Variants in DLG2 observed in about 807,000 individuals in gnomAD.
DLG2 encodes discs large MAGUK scaffold protein 2.
DLG2 carries 45 observed loss-of-function variants against 132.5 expected under a neutral mutation model. The ratio of observed to expected loss-of-function variants is 0.34; its 90% confidence interval spans 0.27 to 0.44. The LOEUF (loss-of-function observed/expected upper bound fraction) is 0.44. Ranked by LOEUF, DLG2 falls within the 20% of genes least tolerant of loss-of-function variation. The probability of loss-of-function intolerance (pLI) is 1.00; values close to 1 mark genes in which losing one functional copy is unlikely to be tolerated. For synonymous variants in DLG2, 424 were observed against 419.6 expected, an observed-to-expected ratio of 1.01 and a Z score of -0.13; for missense variants, 1,045 against 1,196.9, an observed-to-expected ratio of 0.87 and a Z score of 1.87.
intron 7 of DLG2, among the ~76,000 whole-genome samples, chr11:84,502,279 CTTCTTTCTTTCT>C (rs1160344483): frequency 9.8e-5 from 2 of 20,420 alleles, no homozygotes; most frequent in Non-Finnish European, 1.6e-4. Flanking sequence ...TCCTTCCTTC[CTTCTTTCTTTCT>C]TTCTTTCTTT....
intron 10 of DLG2, among the ~76,000 whole-genome samples, chr11:84,090,378 C>A (rs955574224): frequency 7.4e-6 from 1 of 135,936 alleles, no homozygotes; most frequent in Non-Finnish European, 1.5e-5. Context: ...CGCACCATTG[C>A]ACTCCAGCCT....
intron 3 of DLG2, among the ~76,000 whole-genome samples, chr11:85,321,439 A>G (rs2081060955): frequency 6.6e-6 from 1 of 152,048 alleles, no homozygotes; most frequent in African/African-American, 2.4e-5. Context: ...GGAATTATAT[A>G]GATTGCATTT....
intron 7 of DLG2, among the ~76,000 whole-genome samples, chr11:84,306,457 A>C (rs1194223623): frequency 6.6e-6 from 1 of 152,212 alleles, no homozygotes; most frequent in East Asian, 1.9e-4. Context: ...GGTCTTCCAA[A>C]ATGGGGAACA....
At chr11:83,464,949 C>T (rs571487435) in intron 26 of DLG2, among the ~76,000 whole-genome samples, 23 of 152,106 alleles carry the variant, frequency 1.5e-4, no homozygotes, top group Non-Finnish European at 2.8e-4. Context: ...GATTATAAAT[C>T]AATTTTACAT....
intron 18 of DLG2, among the ~76,000 whole-genome samples, chr11:83,736,993 A>G (rs1287666022): frequency 6.6e-6 from 1 of 152,214 alleles, no homozygotes; most frequent in Non-Finnish European, 1.5e-5. Flanking sequence ...TCCAACTACA[A>G]GTATCATTTT....
chr11:83,923,819 G>A (rs1469075358), intron 15 of DLG2, among the ~76,000 whole-genome samples: 1 of 152,016 alleles, frequency 6.6e-6, no homozygotes, highest in African/African-American at 2.4e-5. Context: ...TCCCACACAG[G>A]TGGCAGAGTG....
At chr11:84,597,602 G>C (rs943190824) in intron 6 of DLG2, among the ~76,000 whole-genome samples, 13 of 152,124 alleles carry the variant, frequency 8.5e-5, no homozygotes, top group Admixed American at 2.6e-4. Flanking sequence ...TCAAGAGAAA[G>C]GCTAAGATGA....
chr11:83,595,130 G>C (rs2057347036), intron 19 of DLG2, among the ~76,000 whole-genome samples: 1 of 151,740 alleles, frequency 6.6e-6, no homozygotes, highest in Admixed American at 6.6e-5. Context: ...CTATTTATGG[G>C]AAAAAAAAAC....
chr11:85,196,882 T>C (rs2081110342), intron 4 of DLG2, among the ~76,000 whole-genome samples: 1 of 152,234 alleles, frequency 6.6e-6, no homozygotes, highest in African/African-American at 2.4e-5. Context: ...CTGAATGGAA[T>C]ATTTAAGAGA....
intron 7 of DLG2, among the ~76,000 whole-genome samples, chr11:84,413,188 C>G (rs1028890215): frequency 1.1e-4 from 16 of 152,148 alleles, no homozygotes; most frequent in Admixed American, 6.5e-4. Context: ...TTCTCACATC[C>G]AGAGCCCACC....
Position 85,423,909 on chromosome 11 carries a change from C to A in DLG2, c.41-138544G>T, listed in dbSNP as rs112321772. Among the ~76,000 whole-genome samples the A allele has an allele frequency of 1.1e-4, 16 of 152,300 alleles. 1 individual carries two copies. Among genetic ancestry groups the A allele is most frequent in the African/African-American group, 2.9e-4 (12 of 41,576 alleles). ...TCTTCCCCCACCTACGGAGTCTGTA[C>A]AACAGATTCATGCCCTCCCCCAGGT... On this transcript the variant is annotated intron_variant, in intron 3 of 27. Transcript: ENST00000376104.
At chr11:84,723,153 C>T (rs2062028842) in intron 6 of DLG2, among the ~76,000 whole-genome samples, 1 of 152,098 alleles carries the variant, frequency 6.6e-6, no homozygotes. Context: ...ATTCATTAGC[C>T]TATAATTTGG....
intron 6 of DLG2, among the ~76,000 whole-genome samples, chr11:84,562,628 C>T (rs1400109012): frequency 6.6e-6 from 1 of 152,064 alleles, no homozygotes; most frequent in Non-Finnish European, 1.5e-5. Context: ...TTTCTGATTC[C>T]TCCAAGCAAC....
intron 6 of DLG2, among the ~76,000 whole-genome samples, chr11:85,107,168 C>A (rs2071892302): frequency 6.6e-6 from 1 of 151,918 alleles, no homozygotes; most frequent in Non-Finnish European, 1.5e-5. Flanking sequence ...ATAGATATAG[C>A]AATGTCTATG....
At chr11:83,703,160 T>A (rs1032209419) in intron 18 of DLG2, among the ~76,000 whole-genome samples, 1 of 152,194 alleles carries the variant, frequency 6.6e-6, no homozygotes, top group Admixed American at 6.5e-5. Context: ...CTCACAAATA[T>A]GTTTATAATA....
At chr11:84,632,456 C>T (rs995425656) in intron 6 of DLG2, among the ~76,000 whole-genome samples, 17 of 152,168 alleles carry the variant, frequency 1.1e-4, no homozygotes, top group South Asian at 4.1e-4. Flanking sequence ...AAGAGTGCTC[C>T]GTTTGAGAGT....
chr11:85,058,129 C>T (rs1231271012), intron 6 of DLG2, among the ~76,000 whole-genome samples: 1 of 151,274 alleles, frequency 6.6e-6, no homozygotes, highest in African/African-American at 2.4e-5. Context: ...TCAATTAATT[C>T]AAATTATTTA....
chr11:84,852,904 T>C (rs1280757064), intron 6 of DLG2, among the ~76,000 whole-genome samples: 3 of 152,036 alleles, frequency 2.0e-5, no homozygotes, highest in African/African-American at 7.2e-5. Flanking sequence ...TAACTAGTGC[T>C]AGAACCTCCA....
intron 9 of DLG2, among the ~76,000 whole-genome samples, chr11:84,123,710 A>G (rs2094030658): frequency 6.6e-6 from 1 of 152,222 alleles, no homozygotes; most frequent in African/African-American, 2.4e-5. Context: ...TCCCTTAACC[A>G]TTTCTTTTGC....
Sources: gnomAD v4.1 joint callset for allele counts (sites outside exome capture counted in the v4.1 genomes callset) on GRCh38, gnomAD v4.1.1 for gene constraint, MANE v1.5 for transcripts, NCBI Gene and HGNC (gene_info 2026-07-23, HGNC 2026-07-21) for gene names.